ADARB2: variants seen among roughly 807,000 people sequenced by gnomAD.
The protein encoded by ADARB2 is adenosine deaminase RNA specific B2 (inactive).
Under a neutral mutation model 62.2 loss-of-function variants are expected in ADARB2, and 25 were observed. The observed-to-expected ratio is 0.40, with a 90% confidence interval of 0.29 to 0.56. The LOEUF is 0.56. Ranked by LOEUF, ADARB2 falls within the 20% of genes least tolerant of loss-of-function variation. The probability of loss-of-function intolerance (pLI) is 0.43; values close to 1 mark genes in which losing one functional copy is unlikely to be tolerated. For missense variants in ADARB2, 1,071 were observed against 1,077.4 expected, an observed-to-expected ratio of 0.99 and a Z score of 0.08; for synonymous variants, 572 against 500.8, an observed-to-expected ratio of 1.14 and a Z score of -1.90.
chr10:1,407,653 G>A (rs902974516), intron 1 of ADARB2, among the ~76,000 whole-genome samples: 1 of 152,164 alleles, frequency 6.6e-6, no homozygotes, highest in African/African-American at 2.4e-5. Context: ...TGGCAGAGAC[G>A]ATCTTCCTGG....
chr10:1,319,407 G>A (rs1024728297), intron 3 of ADARB2, among the ~76,000 whole-genome samples: 1 of 152,060 alleles, frequency 6.6e-6, no homozygotes, highest in African/African-American at 2.4e-5. Context: ...AAAGCAGAAG[G>A]ATAAGTCATA....
chr10:1,662,439 T>C (rs1834260682), intron 1 of ADARB2, among the ~76,000 whole-genome samples: 1 of 152,154 alleles, frequency 6.6e-6, no homozygotes, highest in South Asian at 2.1e-4. Flanking sequence ...ACCCAGAGCC[T>C]GACCTGCCTG....
At chr10:1,732,875 T>A (rs1340783183) in intron 1 of ADARB2, among the ~76,000 whole-genome samples, 1 of 152,254 alleles carries the variant, frequency 6.6e-6, no homozygotes, top group Non-Finnish European at 1.5e-5. Context: ...ATTTTGTTCC[T>A]TTTGCCAACT....
At chr10:1,620,756 T>G (rs1009249532) in intron 1 of ADARB2, among the ~76,000 whole-genome samples, 58 of 152,154 alleles carry the variant, frequency 3.8e-4, no homozygotes, top group Non-Finnish European at 3.8e-4. Context: ...ATGAAAAGGG[T>G]GTATGTAAAG....
chr10:1,253,792 TG>T (rs1402969325), intron 4 of ADARB2, among the ~76,000 whole-genome samples: 1 of 152,180 alleles, frequency 6.6e-6, no homozygotes, highest in Non-Finnish European at 1.5e-5. Context: ...GTGTAACCAC[TG>T]GCCACGTAAA....
chr10:1,711,871 C>T (rs561915412), intron 1 of ADARB2, among the ~76,000 whole-genome samples: 3 of 152,272 alleles, frequency 2.0e-5, no homozygotes, highest in Admixed American at 2.0e-4. Context: ...TAGTAGAATT[C>T]TCATAGCTGC....
At chr10:1,674,739 G>A (rs760070002) in intron 1 of ADARB2, among the ~76,000 whole-genome samples, 16 of 152,174 alleles carry the variant, frequency 1.1e-4, no homozygotes, top group East Asian at 1.9e-4. Flanking sequence ...TAAAAGTGGC[G>A]AAAATCATCA....
chr10:1,335,076 C>T (rs770790779), intron 3 of ADARB2, among the ~76,000 whole-genome samples: 2 of 152,254 alleles, frequency 1.3e-5, no homozygotes, highest in South Asian at 4.1e-4. Flanking sequence ...CCAAGTCTTA[C>T]GTGTGTGCGT....
At chr10:1,339,559 C>G (rs2131837763) in intron 3 of ADARB2, among the ~76,000 whole-genome samples, 1 of 152,354 alleles carries the variant, frequency 6.6e-6, no homozygotes, top group African/African-American at 2.4e-5. Context: ...TCAAACAACA[C>G]CAAACACAGC....
chr10:1,511,930 G>A (rs966016034), intron 1 of ADARB2, among the ~76,000 whole-genome samples: 1 of 150,766 alleles, frequency 6.6e-6, no homozygotes, highest in Non-Finnish European at 1.5e-5. Flanking sequence ...ATACCAAGAA[G>A]TTTATGCTGT....
At chr10:1,289,509 G>A (rs1314635230) in intron 3 of ADARB2, among the ~76,000 whole-genome samples, 2 of 152,212 alleles carry the variant, frequency 1.3e-5, no homozygotes, top group Non-Finnish European at 2.9e-5. Flanking sequence ...CTCTGCCCAC[G>A]GCACCGTCAG....
chr10:1,594,015 G>T lies in ADARB2; in HGVS notation c.100+143036C>A, dbSNP rs1833300704. The stretch of plus-strand genomic sequence containing the variant: ...ACTTAAAAACAAGTCTGTGAGGCCG[G>T]GTGCAGTGGCTCATGCTTGTAATCC... On this transcript the variant is annotated intron_variant, in intron 1 of 9. Transcript: ENST00000381312. Among the ~76,000 whole-genome samples, 4 of 152,184 alleles carry T rather than the reference G, an allele frequency of 2.6e-5. No individual in the cohort carries two copies. In the South Asian group the frequency reaches 8.3e-4, roughly 31 times the overall value.
chr10:1,333,732 G>A (rs139782578), intron 3 of ADARB2, among the ~76,000 whole-genome samples: 2 of 152,306 alleles, frequency 1.3e-5, no homozygotes, highest in African/African-American at 2.4e-5. Flanking sequence ...GCAGCAGCCC[G>A]TGAGCTACTA....
intron 1 of ADARB2, among the ~76,000 whole-genome samples, chr10:1,583,574 A>G (rs1444084672): frequency 6.6e-6 from 1 of 152,252 alleles, no homozygotes; most frequent in Non-Finnish European, 1.5e-5. Context: ...ACGAAACTCG[A>G]AAGAAAGAAA....
At chr10:1,376,690 G>C (rs1832432179) in intron 2 of ADARB2, among the ~76,000 whole-genome samples, 1 of 152,236 alleles carries the variant, frequency 6.6e-6, no homozygotes, top group African/African-American at 2.4e-5. Flanking sequence ...GAAACCATTC[G>C]CTCCGCACCC....
chr10:1,662,812 G>T (rs1486239922), intron 1 of ADARB2, among the ~76,000 whole-genome samples: 1 of 152,176 alleles, frequency 6.6e-6, no homozygotes, highest in Non-Finnish European at 1.5e-5. Flanking sequence ...AAGTTGGGGC[G>T]ACGTCTCCCA....
Position 1,345,455 on chromosome 10 carries a change from G to A in ADARB2, c.1077+17573C>T, listed in dbSNP as rs1184506373. ...GCTTTCCTTTGGTTCCATCAGAATG[G>A]ACACACCAGGACCTTTTCGGCACCC... On this transcript the variant is annotated intron_variant, in intron 3 of 9. Coordinates refer to ENST00000381312, the MANE Select transcript of ADARB2 (RefSeq NM_018702.4). Among the ~76,000 whole-genome samples, 3 of 152,184 alleles carry A rather than the reference G, an allele frequency of 2.0e-5. No individual in the cohort carries two copies. The South Asian group carries it at 6.2e-4, about 31-fold the overall frequency.
intron 4 of ADARB2, among the ~76,000 whole-genome samples, chr10:1,250,603 GA>G (rs1489234404): frequency 1.3e-5 from 2 of 151,876 alleles, no homozygotes; most frequent in African/African-American, 4.8e-5. Context: ...TTATGATGCA[GA>G]AAAAAAGCTC....
chr10:1,559,070 C>CG (rs1832753206), intron 1 of ADARB2, among the ~76,000 whole-genome samples: 2 of 152,206 alleles, frequency 1.3e-5, no homozygotes, highest in Middle Eastern at 3.2e-3. Context: ...AGACAGTCCA[C>CG]GTACACATCC....
Sources: allele counts gnomAD v4.1 joint callset (sites outside exome capture counted in the v4.1 genomes callset), GRCh38; gene constraint gnomAD v4.1.1; transcripts MANE v1.5; gene names NCBI Gene and HGNC (gene_info 2026-07-23, HGNC 2026-07-21).